PCGF5: variants seen among roughly 807,000 people sequenced by gnomAD.
PCGF5 encodes the protein polycomb group ring finger 5, also known as polycomb group RING finger protein 5.
Under a neutral mutation model 44.3 loss-of-function variants are expected in PCGF5, and 9 were observed. The observed-to-expected ratio is 0.20, with a 90% CI of 0.12 to 0.35. The LOEUF (loss-of-function observed/expected upper bound fraction) is 0.35, where lower values mean the gene tolerates loss of function less well. PCGF5 is among the 10% of genes least tolerant of loss of function. The pLI, the probability that PCGF5 is intolerant of heterozygous loss-of-function variation, is 1.00. For synonymous variants in PCGF5, 95 were observed against 102.5 expected (o/e 0.93, Z 0.44); for missense variants, 146 against 305.3 (o/e 0.48, Z 3.89).
At position 91,265,577 on chromosome 10, in the gene PCGF5, A is replaced by T. The variant is rs1846031492; in HGVS notation, c.663+1057A>T. On this transcript the variant is annotated intron_variant, in intron 8 of 9. Coordinates refer to ENST00000336126, the MANE Select transcript of PCGF5 (RefSeq NM_032373.5). The stretch of plus-strand genomic sequence containing the variant: ...AAATTTGACCTCACACAAGAATAAG[A>T]AATAAGAATCCAGATATAATGAGGG... 2.6e-5 allele frequency among the ~76,000 whole-genome samples: 4 copies of T among 152,170 alleles called. No homozygotes were observed. In the South Asian group the frequency reaches 8.3e-4, roughly 32 times the overall value.
chr10:91,213,428 T>C (rs933874722), intron 1 of PCGF5, among the ~76,000 whole-genome samples: 1 of 152,124 alleles, frequency 6.6e-6, no homozygotes, highest in African/African-American at 2.4e-5. Context: ...AGTATGTTTC[T>C]GTACTTTGTT....
chr10:91,237,389 G>GA (rs941310259), intron 2 of PCGF5, among the ~76,000 whole-genome samples: 2 of 151,842 alleles, frequency 1.3e-5, no homozygotes, highest in Non-Finnish European at 2.9e-5. Flanking sequence ...AAAACTATCT[G>GA]AAAAAAAATT....
In PCGF5 at chr10:91,206,702, T is replaced by C. The variant is rs79622762; in HGVS notation, c.-183-15987T>C. ...CAGTAACAGCCTGTGGGGGACTGCATGGTCTCTGACTTCCTTTCCTGTGCT... is the reference window on the plus strand; with the variant it reads ...CAGTAACAGCCTGTGGGGGACTGCACGGTCTCTGACTTCCTTTCCTGTGCT... On this transcript the variant is annotated intron_variant, in intron 1 of 9. Transcript: ENST00000614189. Among the ~76,000 whole-genome samples, 68 of 152,332 alleles carry C rather than the reference T, an allele frequency of 4.5e-4. No homozygotes were observed. The East Asian group carries it at 0.01, about 22-fold the overall frequency.
chr10:91,252,025 G>A (rs1053919969), intron 6 of PCGF5, among the ~76,000 whole-genome samples: 2 of 151,906 alleles, frequency 1.3e-5, no homozygotes, highest in African/African-American at 4.8e-5. Context: ...TCTTTCCTTA[G>A]AGGATCTTTA....
intron 1 of PCGF5, among the ~76,000 whole-genome samples, chr10:91,184,598 G>A (rs745829247): frequency 4.7e-4 from 71 of 152,206 alleles, no homozygotes; most frequent in Non-Finnish European, 9.3e-4. Context: ...AACACTTGCT[G>A]GAGAGGTGAT....
chr10:91,189,438 T>C (rs971633155), intron 1 of PCGF5, among the ~76,000 whole-genome samples: 5 of 152,214 alleles, frequency 3.3e-5, no homozygotes, highest in Admixed American at 3.3e-4. Context: ...ATATGCTAGA[T>C]AAATGAATAT....
chr10:91,166,206 A>G (rs1843496651), intron 1 of PCGF5, among the ~76,000 whole-genome samples: 1 of 152,218 alleles, frequency 6.6e-6, no homozygotes, highest in Admixed American at 6.5e-5. Context: ...TGAATTAGCC[A>G]GAGCTGCTAT....
chr10:91,279,884 A>G lies in PCGF5; in HGVS notation c.*1568A>G, dbSNP rs1299712041. ...TAGAAATAAGATATTGTACAACTCT[A>G]GCAAACATACAAAGTACAGCTAAAT... is the stretch of plus-strand genomic sequence containing the variant. On this transcript the variant is annotated 3_prime_UTR_variant, in exon 10 of 10. Coordinates refer to ENST00000336126, the MANE Select transcript of PCGF5 (RefSeq NM_032373.5). 1 of 152,122 alleles carries G rather than the reference A, an allele frequency of 6.6e-6. No individual in the cohort carries two copies. The highest frequency in any genetic ancestry group is 2.4e-5 in the African/African-American group (1 of 41,460). The allele number at this position is 152,122 out of a possible 1,614,324, so 9.4% of individuals were successfully genotyped here.
intron 2 of PCGF5, among the ~76,000 whole-genome samples, chr10:91,231,144 A>G (rs1257809370): frequency 6.6e-6 from 1 of 152,206 alleles, no homozygotes; most frequent in Non-Finnish European, 1.5e-5. Context: ...CTTGACTGCA[A>G]TAGTAACATG....
intron 1 of PCGF5, among the ~76,000 whole-genome samples, chr10:91,194,905 G>A (rs536924024): frequency 6.6e-6 from 1 of 152,314 alleles, no homozygotes; most frequent in South Asian, 2.1e-4. Flanking sequence ...AGTTTCTGGG[G>A]TGTTATCCTC....
At chr10:91,253,887 A>G (rs1845681581) in intron 6 of PCGF5, among the ~76,000 whole-genome samples, 1 of 152,040 alleles carries the variant, frequency 6.6e-6, no homozygotes, top group East Asian at 1.9e-4. Flanking sequence ...TATTCATTAT[A>G]GCACTAAAGC....
chr10:91,249,785 A>C (rs1463429922), intron 5 of PCGF5, among the ~76,000 whole-genome samples: 1 of 152,008 alleles, frequency 6.6e-6, no homozygotes, highest in African/African-American at 2.4e-5. Flanking sequence ...TGTAACAACA[A>C]CAACAAAAAA....
rs1846431645 is a variant in PCGF5 at position 91,280,634 on chromosome 10, A to G, written c.*2318A>G. The G allele has an allele frequency of 6.6e-6, 1 of 152,474 alleles. No homozygotes were observed. The highest frequency in any genetic ancestry group is 1.5e-5 in the Non-Finnish European group (1 of 67,874). The allele number at this position is 152,474 out of a possible 1,614,324, so 9.4% of individuals were successfully genotyped here. On this transcript the variant is annotated 3_prime_UTR_variant, in exon 10 of 10. Coordinates refer to ENST00000336126, the MANE Select transcript of PCGF5 (RefSeq NM_032373.5). Reference sequence around the variant, plus strand: ...CATTTTTTTGATGGTCCTAAGTGATATGGTATTACTACTAGAATCACAGAT... The same window carrying G: ...CATTTTTTTGATGGTCCTAAGTGATGTGGTATTACTACTAGAATCACAGAT...
intron 1 of PCGF5, among the ~76,000 whole-genome samples, chr10:91,184,506 T>A (rs186919555): frequency 3.6e-4 from 55 of 152,346 alleles, no homozygotes; most frequent in African/African-American, 1.2e-3. Flanking sequence ...AATGTACTCC[T>A]TTAGCTCAGA....
chr10:91,222,722 G>A lies in PCGF5; in HGVS notation c.-150G>A. 1.9e-6 allele frequency: 1 copy of A among 521,032 alleles called. No homozygotes were observed. Among genetic ancestry groups the A allele is most frequent in the Non-Finnish European group, 3.4e-6 (1 of 291,068 alleles). The allele number at this position is 521,032 out of a possible 1,614,324, so 32.3% of individuals were successfully genotyped here. A position where few individuals can be genotyped will look rare whatever the true frequency, so the allele number is the denominator to read the frequency against. On this transcript the variant is annotated 5_prime_UTR_variant, in exon 2 of 10. The change abolishes an upstream ATG in the 5' untranslated region. Coordinates refer to ENST00000336126, the MANE Select transcript of PCGF5 (RefSeq NM_032373.5). ...AAGCGGAACCACCAAAAGGAGTGAT[G>A]ATCAACGATCTCATGATAAATCTGG...
chr10:91,256,835 A>G (rs1845764388), intron 6 of PCGF5, among the ~76,000 whole-genome samples: 1 of 151,838 alleles, frequency 6.6e-6, no homozygotes. Flanking sequence ...GTCTATATTC[A>G]TCAAAAATCT....
intron 2 of PCGF5, among the ~76,000 whole-genome samples, chr10:91,228,629 A>C (rs895358512): frequency 6.6e-6 from 1 of 152,246 alleles, no homozygotes; most frequent in African/African-American, 2.4e-5. Flanking sequence ...CTTAACCCTA[A>C]GATGATAGAA....
At chr10:91,227,350 C>T (rs1364190129) in intron 2 of PCGF5, 1 of 1,134,530 alleles carries the variant, frequency 8.8e-7, no homozygotes, top group African/African-American at 1.6e-5. Flanking sequence ...CAGAATCCTA[C>T]TGGATGTCCA....
rs1328442496 is a variant in PCGF5, at chr10:91,282,940, A to G, written c.*4624A>G. On this transcript the variant is annotated 3_prime_UTR_variant, in exon 10 of 10. Transcript: ENST00000336126. ...TCCTACAGTTTGGGTAGAAATAAGG[A>G]ACATGTCTGCTAGATCTGGTTTATG... 1 of 152,376 alleles carries G rather than the reference A, an allele frequency of 6.6e-6. No individual in the cohort carries two copies. The highest frequency in any genetic ancestry group is 6.5e-5 in the Admixed American group (1 of 15,280). 9.4% of individuals were successfully genotyped at this position (152,376 alleles called of 1,614,324 possible).
Sources: gnomAD v4.1 joint callset for allele counts (sites outside exome capture counted in the v4.1 genomes callset) on GRCh38, gnomAD v4.1.1 for gene constraint, MANE v1.5 for transcripts, NCBI Gene and HGNC (gene_info 2026-07-23, HGNC 2026-07-21) for gene names.